N4BP2L2: variants seen among roughly 807,000 people sequenced by gnomAD.
N4BP2L2 encodes the protein NEDD4-binding protein 2-like 2.
Under a neutral mutation model 56.2 loss-of-function variants are expected in N4BP2L2, and 50 were observed. The observed-to-expected ratio is 0.89, with a 90% CI of 0.71 to 1.13. The LOEUF (loss-of-function observed/expected upper bound fraction) is 1.13. Among genes scored for constraint, N4BP2L2 ranks in the 50% most tolerant of loss-of-function variants. The pLI, the probability that N4BP2L2 is intolerant of heterozygous loss-of-function variation, is 0.00. For missense variants in N4BP2L2, 689 were observed against 693.8 expected, an observed-to-expected ratio of 0.99 and a Z score of 0.08; for synonymous variants, 203 against 223.6, an observed-to-expected ratio of 0.91 and a Z score of 0.82.
At chr13:32,477,024 T>C (rs1392575143) in intron 6 of N4BP2L2, among the ~76,000 whole-genome samples, 1 of 152,148 alleles carries the variant, frequency 6.6e-6, no homozygotes, top group East Asian at 1.9e-4. Context: ...TATCATACGA[T>C]TGTGAGCCAT....
At chr13:32,483,747 C>T (rs1379846988) in intron 6 of N4BP2L2, among the ~76,000 whole-genome samples, 5 of 152,076 alleles carry the variant, frequency 3.3e-5, no homozygotes, top group Non-Finnish European at 7.4e-5. Flanking sequence ...CTCACCATTA[C>T]ATAATACATT....
At chr13:32,493,160 G>C (rs1012519450) in intron 6 of N4BP2L2, among the ~76,000 whole-genome samples, 4 of 151,652 alleles carry the variant, frequency 2.6e-5, no homozygotes, top group African/African-American at 9.7e-5. Context: ...CCTGACCTCA[G>C]GTGATCCACC....
At chr13:32,515,852 C>G (rs138134764) in exon 6 of N4BP2L2, 4 of 152,246 alleles carry the variant, frequency 2.6e-5, no homozygotes, top group Non-Finnish European at 5.9e-5. Flanking sequence ...ATTCTCCCCC[C>G]TCAGCCTCCC....
At chr13:32,451,987 C>A (rs1357580328) in intron 6 of N4BP2L2, among the ~76,000 whole-genome samples, 1 of 152,004 alleles carries the variant, frequency 6.6e-6, no homozygotes, top group African/African-American at 2.4e-5. Context: ...AGGAATTGTT[C>A]ACTGCAATCA....
At chr13:32,509,949 A>G (rs559291490), downstream of N4BP2L2, among the ~76,000 whole-genome samples, 1 of 152,332 alleles carries the variant, frequency 6.6e-6, no homozygotes, top group East Asian at 1.9e-4. Flanking sequence ...AAACAAAATA[A>G]AGCAAATACC....
chr13:32,510,986 AGAT>A (rs1181529433), exon 6 of N4BP2L2: 1 of 152,008 alleles, frequency 6.6e-6, no homozygotes, highest in African/African-American at 2.4e-5. Flanking sequence ...AAAAAAAAAA[AGAT>A]AACTATGTGG....
chr13:32,507,291 T>C (rs1008661062), downstream of N4BP2L2: 4 of 152,074 alleles, frequency 2.6e-5, no homozygotes, highest in African/African-American at 9.7e-5. Context: ...AAATGTCAGG[T>C]AGACAGTTAA....
chr13:32,454,954 C>T (rs940536795), intron 6 of N4BP2L2, among the ~76,000 whole-genome samples: 1 of 152,178 alleles, frequency 6.6e-6, no homozygotes, highest in Non-Finnish European at 1.5e-5. Flanking sequence ...TCAATGACCA[C>T]AGACTCTTGC....
intron 6 of N4BP2L2, among the ~76,000 whole-genome samples, chr13:32,460,785 C>A (rs1423546786): frequency 6.6e-6 from 1 of 151,836 alleles, no homozygotes; most frequent in Non-Finnish European, 1.5e-5. Flanking sequence ...CCAAAGCAAT[C>A]CTGAGCAAAA....
chr13:32,456,871 CA>C (rs538543551), intron 6 of N4BP2L2, among the ~76,000 whole-genome samples: 108 of 152,304 alleles, frequency 7.1e-4, no homozygotes, highest in Admixed American at 2.6e-3. Context: ...TGTGGTGGCT[CA>C]TGCCCACAAT....
intron 6 of N4BP2L2, among the ~76,000 whole-genome samples, chr13:32,481,839 T>G (rs2084809559): frequency 6.6e-6 from 1 of 152,234 alleles, no homozygotes; most frequent in Non-Finnish European, 1.5e-5. Context: ...TGTATCTGAA[T>G]GCAGATGGTG....
At chr13:32,462,746 G>C (rs891938202) in intron 6 of N4BP2L2, among the ~76,000 whole-genome samples, 1 of 151,212 alleles carries the variant, frequency 6.6e-6, no homozygotes, top group Non-Finnish European at 1.5e-5. Context: ...ACAAATATTG[G>C]CCAGTGCAGT....
At chr13:32,515,816 C>G (rs1446666031) in exon 6 of N4BP2L2, 1 of 152,072 alleles carries the variant, frequency 6.6e-6, no homozygotes, top group South Asian at 2.1e-4. Flanking sequence ...CTGCTTACTG[C>G]AAACTCTGCC....
At chr13:32,470,426 C>T (rs565335587) in intron 6 of N4BP2L2, among the ~76,000 whole-genome samples, 9 of 152,254 alleles carry the variant, frequency 5.9e-5, no homozygotes, top group Non-Finnish European at 1.2e-4. Flanking sequence ...GCAGGCTATT[C>T]GGTAGACATA....
chr13:32,538,081 G>GA lies in N4BP2L2; in HGVS notation c.-1+536_-1+537insT, dbSNP rs1327888072. ...GGGAGACCCCGTCTTGGGGGGGGGG[G>GA]GCGGTTACTTCCCCTGAAATGCCTT... On this transcript the variant is annotated intron_variant, in intron 1 of 5. Transcript: ENST00000267068. Among the ~76,000 whole-genome samples, 14 of 136,600 alleles carry GA rather than the reference G, an allele frequency of 1.0e-4. No individual in the cohort carries two copies. The East Asian group carries it at 3.1e-3, about 30-fold the overall frequency. The allele number at this position is 136,600 out of a possible 152,430, so 89.6% of individuals were successfully genotyped here.
chr13:32,470,817 C>A (rs980623940), intron 6 of N4BP2L2, among the ~76,000 whole-genome samples: 3 of 152,170 alleles, frequency 2.0e-5, no homozygotes, highest in African/African-American at 7.2e-5. Flanking sequence ...GGTCTTGGCA[C>A]CTGTAGTCCT....
At chr13:32,521,743 A>AG in intron 4 of N4BP2L2, 1 of 293,694 alleles carries the variant, frequency 3.4e-6, no homozygotes. Context: ...TGGGAGGCTG[A>AG]GCACGGCAGA....
intron 6 of N4BP2L2, chr13:32,480,578 T>C (rs1404024251): frequency 1.6e-6 from 2 of 1,260,920 alleles, no homozygotes; most frequent in Admixed American, 2.3e-5. Flanking sequence ...TTACTTGGAG[T>C]TTCCATCTCA....
chr13:32,450,870 T>TTC (rs534768522), intron 6 of N4BP2L2, among the ~76,000 whole-genome samples: 13,891 of 59,660 alleles, frequency 0.23, 1,267 homozygotes, highest in Middle Eastern at 0.39. Flanking sequence ...CCCCATCCCC[T>TTC]TCTCTCTCTC....
Sources: allele counts gnomAD v4.1 joint callset (sites outside exome capture counted in the v4.1 genomes callset), GRCh38; gene constraint gnomAD v4.1.1; transcripts MANE v1.5; gene names NCBI Gene and HGNC (gene_info 2026-07-23, HGNC 2026-07-21).